Variants in LRMDA observed in about 807,000 individuals in gnomAD.
LRMDA encodes the protein leucine-rich melanocyte differentiation-associated protein.
A neutral mutation model predicts 29.8 loss-of-function variants in LRMDA; 18 were observed. The observed-to-expected ratio is 0.60, with a 90% CI of 0.42 to 0.90. LRMDA has a LOEUF of 0.90. LRMDA is among the 40% of genes least tolerant of loss of function. The pLI is 0.00. For synonymous variants in LRMDA, 125 were observed against 109.4 expected, an observed-to-expected ratio of 1.14 and a Z score of -0.89; for missense variants, 273 against 273.9, an observed-to-expected ratio of 1.00 and a Z score of 0.02.
At chr10:76,016,756 C>T (rs1170472290) in intron 2 of LRMDA, among the ~76,000 whole-genome samples, 1 of 152,164 alleles carries the variant, frequency 6.6e-6, no homozygotes, top group Non-Finnish European at 1.5e-5. Context: ...CACTAGGAAT[C>T]AGAGGCCAGG....
chr10:75,434,822 C>T (rs1417869486), intron 1 of LRMDA, among the ~76,000 whole-genome samples: 1 of 152,230 alleles, frequency 6.6e-6, no homozygotes, highest in African/African-American at 2.4e-5. Context: ...ATAATCTCCT[C>T]AACATCTGAC....
At chr10:76,376,314 A>G (rs1156410700) in intron 6 of LRMDA, among the ~76,000 whole-genome samples, 1 of 152,184 alleles carries the variant, frequency 6.6e-6, no homozygotes, top group Non-Finnish European at 1.5e-5. Flanking sequence ...TTGCTGCAGA[A>G]AACATAATTT....
At chr10:76,073,877 A>G (rs1848914290) in intron 5 of LRMDA, among the ~76,000 whole-genome samples, 1 of 152,218 alleles carries the variant, frequency 6.6e-6, no homozygotes, top group South Asian at 2.1e-4. Flanking sequence ...TGACCTGCTA[A>G]GTTGTAGTCC....
intron 2 of LRMDA, among the ~76,000 whole-genome samples, chr10:75,839,696 CTTTCTTT>C (rs1176454845): frequency 7.8e-6 from 1 of 127,620 alleles, no homozygotes; most frequent in African/African-American, 3.4e-5. Flanking sequence ...ATGCATCCGA[CTTTCTTT>C]TTTTTTTTTT....
intron 2 of LRMDA, among the ~76,000 whole-genome samples, chr10:75,964,257 G>T (rs1231431210): frequency 6.6e-6 from 1 of 152,198 alleles, no homozygotes; most frequent in Non-Finnish European, 1.5e-5. Flanking sequence ...GGACTCTCAA[G>T]AATTGGATGT....
At chr10:76,032,429 A>G (rs1435006361) in intron 2 of LRMDA, among the ~76,000 whole-genome samples, 1 of 152,258 alleles carries the variant, frequency 6.6e-6, no homozygotes, top group Non-Finnish European at 1.5e-5. Flanking sequence ...AGGAAGCTTG[A>G]TCATAATTAT....
At chr10:76,385,404 G>T (rs1841647330) in intron 6 of LRMDA, among the ~76,000 whole-genome samples, 1 of 152,150 alleles carries the variant, frequency 6.6e-6, no homozygotes. Flanking sequence ...CTCATCACAG[G>T]TCGGTATCCT....
chr10:75,644,866 C>G (rs541489173), intron 2 of LRMDA, among the ~76,000 whole-genome samples: 1 of 152,310 alleles, frequency 6.6e-6, no homozygotes, highest in African/African-American at 2.4e-5. Context: ...CTTGCTTACT[C>G]TGTCCTAATT....
At chr10:75,981,857 A>C (rs1221542266) in intron 2 of LRMDA, among the ~76,000 whole-genome samples, 2 of 152,012 alleles carry the variant, frequency 1.3e-5, no homozygotes, top group Non-Finnish European at 2.9e-5. Flanking sequence ...TCTCAAAAAA[A>C]AAAAAAAAAA....
intron 2 of LRMDA, among the ~76,000 whole-genome samples, chr10:75,986,906 A>T (rs1168509206): frequency 6.6e-6 from 1 of 152,218 alleles, no homozygotes; most frequent in African/African-American, 2.4e-5. Flanking sequence ...ATCATCATCT[A>T]CTGGTGGTAC....
At chr10:75,678,512 G>A (rs955502517) in intron 2 of LRMDA, among the ~76,000 whole-genome samples, 7 of 152,080 alleles carry the variant, frequency 4.6e-5, no homozygotes, top group Non-Finnish European at 8.8e-5. Context: ...TAACAGATTT[G>A]CCTTTATTGG....
chr10:75,984,337 A>C (rs187061358), intron 2 of LRMDA, among the ~76,000 whole-genome samples: 80 of 152,302 alleles, frequency 5.3e-4, no homozygotes, highest in Non-Finnish European at 9.0e-4. Flanking sequence ...GCTCAGGCCT[A>C]CGCAGAGCTT....
intron 2 of LRMDA, among the ~76,000 whole-genome samples, chr10:75,929,295 A>ATGTGTGTGTG (rs151109175): frequency 0.02 from 2,962 of 151,014 alleles, 37 homozygotes; most frequent in African/African-American, 0.03. Context: ...TGCATGATCT[A>ATGTGTGTGTG]TGTGTGTGTG....
At chr10:76,068,869 A>ATGGCACCCCGTTCCACCACCC (rs1375181593) in intron 5 of LRMDA, among the ~76,000 whole-genome samples, 4 of 152,216 alleles carry the variant, frequency 2.6e-5, no homozygotes, top group Non-Finnish European at 4.4e-5. Flanking sequence ...CACGCAAGTA[A>ATGGCACCCCGTTCCACCACCC]TGGCACCCCG....
chr10:75,511,844 TG>T (rs1159575298), intron 2 of LRMDA, among the ~76,000 whole-genome samples: 2 of 152,206 alleles, frequency 1.3e-5, no homozygotes, highest in Non-Finnish European at 2.9e-5. Context: ...TTCTGGATTC[TG>T]GGCAAAGAAA....
At chr10:75,530,905 C>T (rs145090044) in intron 2 of LRMDA, among the ~76,000 whole-genome samples, 22 of 152,218 alleles carry the variant, frequency 1.4e-4, no homozygotes, top group Admixed American at 2.6e-4. Flanking sequence ...TCTATAGTTC[C>T]GGCACTATGG....
intron 6 of LRMDA, among the ~76,000 whole-genome samples, chr10:76,457,311 T>G (rs1433770191): frequency 2.0e-5 from 3 of 152,224 alleles, no homozygotes; most frequent in Non-Finnish European, 4.4e-5. Flanking sequence ...CTAAAATCTG[T>G]AGCCCCCAAA....
chr10:76,224,579 A>T (rs1298132727), intron 5 of LRMDA, among the ~76,000 whole-genome samples: 1 of 149,680 alleles, frequency 6.7e-6, no homozygotes, highest in Non-Finnish European at 1.5e-5. Flanking sequence ...CTCAAAAAAG[A>T]AAAAAAAAAT....
At chr10:76,126,921 G>A (rs1402056292) in intron 5 of LRMDA, among the ~76,000 whole-genome samples, 3 of 152,222 alleles carry the variant, frequency 2.0e-5, no homozygotes, top group Non-Finnish European at 4.4e-5. Flanking sequence ...AGATTGTGCT[G>A]AAGGTTGGCC....
Sources: allele counts gnomAD v4.1 joint callset (sites outside exome capture counted in the v4.1 genomes callset), GRCh38; gene constraint gnomAD v4.1.1; transcripts MANE v1.5; gene names NCBI Gene and HGNC (gene_info 2026-07-23, HGNC 2026-07-21).